Variants in FSTL4 observed in about 807,000 individuals in gnomAD.
FSTL4 encodes follistatin-related protein 4.
In FSTL4, 28 loss-of-function variants were observed where a neutral mutation model predicts 78.2. That is an observed-to-expected ratio of 0.36 (90% CI 0.27 to 0.49). The LOEUF (loss-of-function observed/expected upper bound fraction) is 0.49. Among genes scored for constraint, FSTL4 ranks in the 20% least tolerant of loss-of-function variants. FSTL4 has a pLI of 0.98. For synonymous variants in FSTL4, 422 were observed against 440.5 expected (o/e 0.96, Z 0.53); for missense variants, 922 against 1,084.9 (o/e 0.85, Z 2.11).
chr5:133,650,700 G>A, the FSTL4 span, among the ~76,000 whole-genome samples: 1 of 152,106 alleles, frequency 6.6e-6, no homozygotes, highest in African/African-American at 2.4e-5. Flanking sequence ...TTTATAGTAA[G>A]TCTTGAAGTT....
intron 8 of FSTL4, among the ~76,000 whole-genome samples, chr5:133,226,535 G>A (rs1751339484): frequency 6.6e-6 from 1 of 152,196 alleles, no homozygotes; most frequent in Non-Finnish European, 1.5e-5. Flanking sequence ...TGAGGGTCTG[G>A]AGGACCCTCC....
chr5:133,233,181 C>T (rs1006042368), intron 8 of FSTL4, among the ~76,000 whole-genome samples: 1 of 152,230 alleles, frequency 6.6e-6, no homozygotes, highest in Non-Finnish European at 1.5e-5. Flanking sequence ...GAATGGCTCA[C>T]GCCATGGCAC....
At chr5:133,411,297 C>T (rs1756473287) in intron 3 of FSTL4, among the ~76,000 whole-genome samples, 1 of 152,114 alleles carries the variant, frequency 6.6e-6, no homozygotes, top group Non-Finnish European at 1.5e-5. Context: ...ATAGTGACAA[C>T]AAAATACCAA....
intron 15 of FSTL4, among the ~76,000 whole-genome samples, chr5:133,201,000 T>C (rs1415267932): frequency 6.6e-6 from 1 of 152,202 alleles, no homozygotes; most frequent in Non-Finnish European, 1.5e-5. Flanking sequence ...TCATTTAATA[T>C]ACTCTTAGAG....
chr5:133,324,410 G>A (rs1405299541), intron 4 of FSTL4, among the ~76,000 whole-genome samples: 1 of 152,224 alleles, frequency 6.6e-6, no homozygotes. Flanking sequence ...GGGAAAGTGG[G>A]CTCTCTCTTG....
At chr5:133,259,418 G>A (rs138402918) in intron 6 of FSTL4, among the ~76,000 whole-genome samples, 2,229 of 152,180 alleles carry the variant, frequency 0.015, 27 homozygotes, top group Admixed American at 0.018. Flanking sequence ...GCACAGATGC[G>A]GTCAGAGGCA....
chr5:133,468,192 G>T (rs773126730), intron 3 of FSTL4, among the ~76,000 whole-genome samples: 9 of 152,218 alleles, frequency 5.9e-5, no homozygotes, highest in Non-Finnish European at 1.2e-4. Context: ...GGCAGGCAGG[G>T]GGAGGCCTGC....
chr5:133,204,395 A>AATC (rs1750426171), intron 14 of FSTL4, among the ~76,000 whole-genome samples: 1 of 152,246 alleles, frequency 6.6e-6, no homozygotes, highest in African/African-American at 2.4e-5. Context: ...TATTATTTTT[A>AATC]ATCTCTTGCA....
chr5:133,364,957 C>A (rs1362652374), intron 4 of FSTL4, among the ~76,000 whole-genome samples: 1 of 152,144 alleles, frequency 6.6e-6, no homozygotes, highest in Non-Finnish European at 1.5e-5. Flanking sequence ...CCACTTCAAT[C>A]CAGCTTCACT....
At chr5:133,839,088 G>A in the FSTL4 span, among the ~76,000 whole-genome samples, 1 of 152,222 alleles carries the variant, frequency 6.6e-6, no homozygotes, top group African/African-American at 2.4e-5. Flanking sequence ...TGCCGTGACT[G>A]TGTTCTAATG....
chr5:133,619,278 G>A, the FSTL4 span, among the ~76,000 whole-genome samples: 1 of 152,086 alleles, frequency 6.6e-6, no homozygotes, highest in African/African-American at 2.4e-5. Flanking sequence ...CATGGAGGAT[G>A]GTGGAACAGG....
At chr5:133,675,110 A>C in the FSTL4 span, among the ~76,000 whole-genome samples, 1 of 152,120 alleles carries the variant, frequency 6.6e-6, no homozygotes. Flanking sequence ...AGGGGGGTCC[A>C]CGGGGGCTCA....
At chr5:133,367,911 C>T (rs1217405908) in intron 4 of FSTL4, among the ~76,000 whole-genome samples, 2 of 152,232 alleles carry the variant, frequency 1.3e-5, no homozygotes, top group Non-Finnish European at 2.9e-5. Flanking sequence ...TTGGCTGGAA[C>T]TTTGTTCTCC....
At chr5:133,456,206 A>T (rs1206769268) in intron 3 of FSTL4, among the ~76,000 whole-genome samples, 2 of 152,216 alleles carry the variant, frequency 1.3e-5, no homozygotes, top group African/African-American at 2.4e-5. Flanking sequence ...TTTCTGCAGC[A>T]CATCATTCAC....
the FSTL4 span, among the ~76,000 whole-genome samples, chr5:133,642,243 G>A: frequency 6.6e-6 from 1 of 152,188 alleles, no homozygotes; most frequent in Non-Finnish European, 1.5e-5. Context: ...TGAGATAGAA[G>A]TGCTACCAGC....
chr5:133,315,686 G>A (rs1398808816), intron 5 of FSTL4, among the ~76,000 whole-genome samples: 1 of 151,982 alleles, frequency 6.6e-6, no homozygotes, highest in Non-Finnish European at 1.5e-5. Flanking sequence ...TACCTGCCTG[G>A]TGCAGCTCTA....
At chr5:133,296,503 C>T (rs1443526363) in intron 6 of FSTL4, among the ~76,000 whole-genome samples, 2 of 152,172 alleles carry the variant, frequency 1.3e-5, no homozygotes, top group African/African-American at 2.4e-5. Flanking sequence ...GGACCTTTGA[C>T]CCTGCCCCCA....
intron 3 of FSTL4, among the ~76,000 whole-genome samples, chr5:133,427,229 C>T (rs893321656): frequency 6.6e-6 from 1 of 152,194 alleles, no homozygotes; most frequent in Admixed American, 6.5e-5. Flanking sequence ...TCCCCAAGGA[C>T]GAGAGACGGC....
At chr5:133,401,030 A>G (rs72805037) in intron 3 of FSTL4, 44 bp from the exon 4 acceptor site, 94,718 of 1,606,296 alleles carry the variant, frequency 0.059, 3,089 homozygotes, top group South Asian at 0.081. Flanking sequence ...AAACACTCAG[A>G]GGGTCTGGGG....
Sources: gnomAD v4.1 joint callset for allele counts (sites outside exome capture counted in the v4.1 genomes callset) on GRCh38, gnomAD v4.1.1 for gene constraint, MANE v1.5 for transcripts, NCBI Gene and HGNC (gene_info 2026-07-23, HGNC 2026-07-21) for gene names.